The following CDC14B variants were observed in gnomAD, a reference collection of about 807,000 sequenced individuals.
CDC14B encodes cell division cycle 14B, also known as dual specificity protein phosphatase CDC14B.
In CDC14B, 22 loss-of-function variants were observed where a neutral mutation model predicts 64.2. That is an observed-to-expected ratio of 0.34 (90% CI 0.24 to 0.49). The LOEUF (loss-of-function observed/expected upper bound fraction) is 0.49, where lower values mean the gene tolerates loss of function less well. Ranked by LOEUF, CDC14B falls within the 20% of genes least tolerant of loss-of-function variation. CDC14B has a pLI of 0.99. For synonymous variants in CDC14B, 191 were observed against 215.8 expected (o/e 0.89, Z 1.01); for missense variants, 498 against 629.9 (o/e 0.79, Z 2.24).
intron 4 of CDC14B, among the ~76,000 whole-genome samples, chr9:96,553,856 A>AAAAAAAC (rs1415204486): frequency 6.6e-6 from 1 of 152,140 alleles, no homozygotes; most frequent in Non-Finnish European, 1.5e-5. Flanking sequence ...AGCAGATTAA[A>AAAAAAAC]AAAAAACAAA....
chr9:96,552,913 A>G (rs1842011218), intron 4 of CDC14B, among the ~76,000 whole-genome samples: 1 of 152,178 alleles, frequency 6.6e-6, no homozygotes, highest in Admixed American at 6.5e-5. Flanking sequence ...TAGATTTTAA[A>G]TTTCACTAAT....
At chr9:96,574,163 C>G (rs1378716952) in intron 1 of CDC14B, among the ~76,000 whole-genome samples, 1 of 150,838 alleles carries the variant, frequency 6.6e-6, no homozygotes, top group Non-Finnish European at 1.5e-5. Context: ...AAAAAAAGAC[C>G]AAGAAGGGGG....
At chr9:96,536,087 CAG>C (rs1387893567) in intron 7 of CDC14B, among the ~76,000 whole-genome samples, 5 of 152,170 alleles carry the variant, frequency 3.3e-5, no homozygotes, top group African/African-American at 1.2e-4. Flanking sequence ...ATCCTGAATT[CAG>C]AGGAGCTGAA....
At chr9:96,535,199 C>T (rs1343277375) in intron 7 of CDC14B, among the ~76,000 whole-genome samples, 2 of 152,064 alleles carry the variant, frequency 1.3e-5, no homozygotes, top group African/African-American at 4.8e-5. Context: ...CCCAGCTACT[C>T]GGGAGGCTGA....
chr9:96,547,707 C>T lies in CDC14B; in HGVS notation c.497+4089G>A, dbSNP rs117250516. Among the ~76,000 whole-genome samples, 864 of 152,298 alleles carry T rather than the reference C, an allele frequency of 5.7e-3. 58 individuals carry two copies. The East Asian group carries it at 0.14, about 25-fold the overall frequency. ...GCCTCAAGCTATCCTCCTGCCTCAG[C>T]CTTCCGAAGTGCTGGAATTATAGGC... On this transcript the variant is annotated intron_variant, in intron 5 of 13. Coordinates refer to ENST00000375241, the MANE Select transcript of CDC14B (RefSeq NM_033331.4).
rs568223921 is a variant in CDC14B, at chr9:96,522,630, A to G, written c.1246-27T>C. On this transcript the variant is annotated intron_variant, in intron 11 of 13. Transcript: ENST00000375241. ...TGTGTAAGTAAAAAAACACTGAGCT[A>G]ATGATTTAAGTTGCACTTATTAATG... The G allele has an allele frequency of 1.2e-4, 177 of 1,456,810 alleles. 2 individuals carry two copies. In the South Asian group the frequency reaches 1.9e-3, roughly 16 times the overall value. 90.2% of individuals were successfully genotyped at this position (1,456,810 alleles called of 1,614,324 possible). A position where few individuals can be genotyped will look rare whatever the true frequency, so the allele number is the denominator to read the frequency against.
rs16911150 is a variant in CDC14B at position 96,539,228 on chromosome 9, C to A, written c.565-88G>T. On this transcript the variant is annotated intron_variant, in intron 6 of 13. Transcript: ENST00000375241. ...ATTTCAGAATACTAAATATCAGGGG[C>A]CCCCCAAGAAAGTATTGTCATGATC... The A allele has an allele frequency of 7.4e-3, 6,694 of 909,708 alleles. 294 individuals carry two copies. In the African/African-American group the frequency reaches 0.097, roughly 13 times the overall value. 56.4% of individuals were successfully genotyped at this position (909,708 alleles called of 1,614,324 possible).
intron 1 of CDC14B, among the ~76,000 whole-genome samples, chr9:96,571,402 C>T (rs1257277771): frequency 6.6e-6 from 1 of 152,098 alleles, no homozygotes; most frequent in African/African-American, 2.4e-5. Context: ...TCTCAATCTC[C>T]TGACCTCGTG....
intron 1 of CDC14B, among the ~76,000 whole-genome samples, chr9:96,576,271 A>C (rs1303159150): frequency 1.4e-5 from 2 of 146,726 alleles, no homozygotes; most frequent in Non-Finnish European, 3.0e-5. Context: ...CAGAGCAAAA[A>C]CTCCATCTCA....
intron 4 of CDC14B, among the ~76,000 whole-genome samples, chr9:96,560,584 C>T (rs5017632): frequency 0.98 from 141,492 of 143,918 alleles, 69,555 homozygotes; most frequent in East Asian, 1. Flanking sequence ...TTCTCTTTCT[C>T]TTTTTTTTTT....
intron 1 of CDC14B, among the ~76,000 whole-genome samples, chr9:96,570,023 C>G (rs533931839): frequency 6.6e-6 from 1 of 152,288 alleles, no homozygotes; most frequent in African/African-American, 2.4e-5. Context: ...GCCTATACAT[C>G]CCTGTCGCAC....
chr9:96,509,811 T>C (rs368296870), intron 12 of CDC14B, 22 bp from the exon 13 acceptor site: 36 of 1,429,402 alleles, frequency 2.5e-5, no homozygotes, highest in Non-Finnish European at 3.5e-5. Context: ...TGGAAAAAAA[T>C]AAGATTATAT....
intron 4 of CDC14B, among the ~76,000 whole-genome samples, chr9:96,558,193 G>A (rs1842734844): frequency 1.3e-5 from 2 of 152,200 alleles, no homozygotes; most frequent in African/African-American, 4.8e-5. Flanking sequence ...TGGTTCTTTG[G>A]TACAAATGTA....
chr9:96,564,278 A>G (rs1395266845), intron 3 of CDC14B, among the ~76,000 whole-genome samples: 2 of 152,166 alleles, frequency 1.3e-5, no homozygotes, highest in Admixed American at 6.5e-5. Context: ...TGACATGCTT[A>G]TTTGCCCTAG....
intron 1 of CDC14B, among the ~76,000 whole-genome samples, chr9:96,578,470 G>A (rs942619292): frequency 2.0e-5 from 3 of 152,198 alleles, no homozygotes; most frequent in African/African-American, 4.8e-5. Context: ...TGACTAACCC[G>A]TGATGTCGTG....
intron 9 of CDC14B, among the ~76,000 whole-genome samples, chr9:96,527,436 G>C (rs930140845): frequency 3.9e-5 from 6 of 151,908 alleles, no homozygotes; most frequent in African/African-American, 1.5e-4. Flanking sequence ...TGGTTAATTC[G>C]GAAACTTGTA....
chr9:96,584,814 T>C (rs1845366728), intron 1 of CDC14B, among the ~76,000 whole-genome samples: 1 of 152,114 alleles, frequency 6.6e-6, no homozygotes, highest in Admixed American at 6.6e-5. Context: ...CCACAATGCC[T>C]GGCCAATTTT....
At chr9:96,587,903 T>C (rs1275245026) in intron 1 of CDC14B, among the ~76,000 whole-genome samples, 6 of 152,108 alleles carry the variant, frequency 3.9e-5, no homozygotes, top group Non-Finnish European at 8.8e-5. Flanking sequence ...CATTATTATA[T>C]CATAGTGTTA....
intron 5 of CDC14B, among the ~76,000 whole-genome samples, chr9:96,547,496 T>G (rs1841118370): frequency 6.6e-6 from 1 of 151,784 alleles, no homozygotes; most frequent in South Asian, 2.1e-4. Context: ...GGTCTTGTTC[T>G]GTTGTGCAGG....
Sources: gnomAD v4.1 joint callset for allele counts (sites outside exome capture counted in the v4.1 genomes callset) on GRCh38, gnomAD v4.1.1 for gene constraint, MANE v1.5 for transcripts, NCBI Gene and HGNC (gene_info 2026-07-23, HGNC 2026-07-21) for gene names.